Variants in TTLL11 observed in about 807,000 individuals in gnomAD.
TTLL11 encodes the protein tubulin polyglutamylase TTLL11.
TTLL11 carries 42 observed loss-of-function variants against 51.7 expected under a neutral mutation model. That is an observed-to-expected ratio of 0.81 (90% CI 0.64 to 1.05). The LOEUF is 1.05. Among genes scored for constraint, TTLL11 ranks in the 50% least tolerant of loss-of-function variants. TTLL11 has a pLI of 0.00. For synonymous variants in TTLL11, 381 were observed against 383.5 expected (o/e 0.99, Z 0.08); for missense variants, 799 against 940.4 (o/e 0.85, Z 1.97).
chr9:121,990,103 G>A (rs574866064), intron 3 of TTLL11, among the ~76,000 whole-genome samples: 37 of 152,344 alleles, frequency 2.4e-4, no homozygotes, highest in African/African-American at 8.9e-4. Context: ...GATAATGATG[G>A]TGAGCTAATA....
intron 4 of TTLL11, among the ~76,000 whole-genome samples, chr9:121,975,482 C>T (rs951338167): frequency 6.6e-6 from 1 of 152,150 alleles, no homozygotes; most frequent in African/African-American, 2.4e-5. Flanking sequence ...GAGGCCGAGG[C>T]AGGCAGATCA....
intron 6 of TTLL11, among the ~76,000 whole-genome samples, chr9:121,898,495 A>G (rs1373902487): frequency 1.3e-5 from 2 of 152,246 alleles, no homozygotes; most frequent in South Asian, 4.1e-4. Context: ...CAAGGGAATG[A>G]CAGGCCTGAG....
chr9:122,045,278 C>T (rs183352723), intron 1 of TTLL11, among the ~76,000 whole-genome samples: 48 of 152,138 alleles, frequency 3.2e-4, no homozygotes, highest in Middle Eastern at 3.4e-3. Flanking sequence ...GCAGGCTGGG[C>T]GCAGTTCCTC....
At chr9:121,897,640 A>ACACACACACACACACACGCGCG (rs111331446) in intron 6 of TTLL11, among the ~76,000 whole-genome samples, 31 of 139,286 alleles carry the variant, frequency 2.2e-4, no homozygotes, top group African/African-American at 3.2e-4. Flanking sequence ...ACACACACAC[A>ACACACACACACACACACGCGCG]CGCGCGCGCG....
intron 8 of TTLL11, among the ~76,000 whole-genome samples, chr9:121,857,105 A>G (rs1837847000): frequency 6.6e-6 from 1 of 152,180 alleles, no homozygotes; most frequent in Admixed American, 6.5e-5. Flanking sequence ...TTTCATGCCC[A>G]GGCCCACTTC....
intron 6 of TTLL11, among the ~76,000 whole-genome samples, chr9:121,939,842 G>A (rs1003951959): frequency 7.2e-5 from 11 of 152,260 alleles, no homozygotes; most frequent in African/African-American, 1.7e-4. Context: ...ATGCAGTGAC[G>A]GCTCTGAAGA....
intron 1 of TTLL11, among the ~76,000 whole-genome samples, chr9:122,087,902 G>A (rs558895037): frequency 1.2e-4 from 19 of 152,292 alleles, no homozygotes; most frequent in African/African-American, 4.3e-4. Flanking sequence ...CTATTTGAGA[G>A]TAACTCCAGT....
chr9:121,910,722 CA>C (rs929121770), intron 6 of TTLL11, among the ~76,000 whole-genome samples: 3 of 151,478 alleles, frequency 2.0e-5, no homozygotes, highest in East Asian at 1.9e-4. Context: ...AGTGCAATTT[CA>C]AAAAAAATTC....
chr9:122,043,118 T>C (rs1844892222), intron 1 of TTLL11, among the ~76,000 whole-genome samples: 1 of 152,130 alleles, frequency 6.6e-6, no homozygotes, highest in Non-Finnish European at 1.5e-5. Context: ...TGTAGTTTCA[T>C]CAGTTGTAAA....
chr9:121,959,668 C>T (rs1322382221), intron 6 of TTLL11, among the ~76,000 whole-genome samples: 1 of 152,174 alleles, frequency 6.6e-6, no homozygotes, highest in African/African-American at 2.4e-5. Flanking sequence ...CGTAACTGTC[C>T]CACAGCCACC....
At chr9:121,975,958 C>T (rs563374529) in intron 4 of TTLL11, among the ~76,000 whole-genome samples, 1 of 152,262 alleles carries the variant, frequency 6.6e-6, no homozygotes, top group Non-Finnish European at 1.5e-5. Flanking sequence ...GGATTATGTG[C>T]TCCACTTTAC....
chr9:121,837,552 C>A (rs924179435), intron 8 of TTLL11, among the ~76,000 whole-genome samples: 11 of 152,102 alleles, frequency 7.2e-5, no homozygotes, highest in African/African-American at 1.4e-4. Context: ...GGGAGTTTGT[C>A]TACAGTCGGT....
chr9:121,989,830 A>T lies in TTLL11; in HGVS notation c.694-60T>A. The T allele has an allele frequency of 1.3e-6, 2 of 1,530,362 alleles. No homozygotes were observed. Among genetic ancestry groups the T allele is most frequent in the Non-Finnish European group, 1.7e-6 (2 of 1,143,354 alleles). The allele number at this position is 1,530,362 out of a possible 1,614,324, so 94.8% of individuals were successfully genotyped here. On this transcript the variant is annotated intron_variant, in intron 3 of 8. Coordinates refer to ENST00000321582, the MANE Select transcript of TTLL11 (RefSeq NM_001139442.2). The surrounding 1 kb of genome is among the most constrained non-coding windows in gnomAD (Gnocchi z 4.2). ...TGTTTTCCCTCTGGATCCCTAACACAGAGCAAGGCCTTAGCAAATGTGTGG... is the reference window on the plus strand; with the variant it reads ...TGTTTTCCCTCTGGATCCCTAACACTGAGCAAGGCCTTAGCAAATGTGTGG...
intron 1 of TTLL11, among the ~76,000 whole-genome samples, chr9:122,062,758 T>C (rs1845470978): frequency 6.6e-6 from 1 of 151,612 alleles, no homozygotes; most frequent in Non-Finnish European, 1.5e-5. Context: ...CATGATATAT[T>C]ATGCATTTCT....
Position 122,070,497 on chromosome 9 carries a change from T to C in TTLL11, c.462+22190A>G, listed in dbSNP as rs144370044. Reference sequence around the variant, plus strand: ...TGAGGTACCTTGTCCCCTCGGCCCCTGCAGACAAAGTTGTCATCCAGAGTC... The same window carrying C: ...TGAGGTACCTTGTCCCCTCGGCCCCCGCAGACAAAGTTGTCATCCAGAGTC... On this transcript the variant is annotated intron_variant, in intron 1 of 8. Coordinates refer to ENST00000321582, the MANE Select transcript of TTLL11 (RefSeq NM_001139442.2). 1.1e-3 allele frequency among the ~76,000 whole-genome samples: 158 copies of C among 150,138 alleles called. 1 individual carries two copies. In the East Asian group the frequency reaches 0.026, roughly 24 times the overall value.
intron 6 of TTLL11, among the ~76,000 whole-genome samples, chr9:121,948,793 C>T (rs1841757833): frequency 6.6e-6 from 1 of 152,190 alleles, no homozygotes; most frequent in South Asian, 2.1e-4. Context: ...GGTGACATTG[C>T]ATGGCTACTC....
chr9:121,847,179 C>T (rs2131363815), intron 8 of TTLL11, among the ~76,000 whole-genome samples: 2 of 145,584 alleles, frequency 1.4e-5, no homozygotes, highest in East Asian at 2.0e-4. Context: ...CACTGCACTC[C>T]AGCCTGGGAG....
chr9:121,870,404 T>C (rs1588083068), intron 7 of TTLL11, 93 bp downstream of exon 7: 2 of 1,456,540 alleles, frequency 1.4e-6, no homozygotes, highest in Non-Finnish European at 1.8e-6. Flanking sequence ...CCACAGATTC[T>C]CCCGAGCGCA....
chr9:122,005,475 T>C (rs1452948007), intron 3 of TTLL11, among the ~76,000 whole-genome samples: 3 of 152,158 alleles, frequency 2.0e-5, no homozygotes, highest in East Asian at 1.9e-4. Context: ...ACAAGGGTTA[T>C]GATAAGGTTG....
Sources: gnomAD v4.1 joint callset for allele counts (sites outside exome capture counted in the v4.1 genomes callset) on GRCh38, gnomAD v4.1.1 for gene constraint, Gnocchi (gnomAD v3.1) non-coding constraint, MANE v1.5 for transcripts, NCBI Gene and HGNC (gene_info 2026-07-23, HGNC 2026-07-21) for gene names.